TNFRSF19: variants seen among roughly 807,000 people sequenced by gnomAD.
TNFRSF19 encodes the protein tumor necrosis factor receptor superfamily member 19.
Under a neutral mutation model 46.4 loss-of-function variants are expected in TNFRSF19, and 27 were observed. The ratio of observed to expected loss-of-function variants is 0.58; its 90% CI spans 0.43 to 0.80. The LOEUF (loss-of-function observed/expected upper bound fraction) is 0.80, where lower values mean the gene tolerates loss of function less well. Among genes scored for constraint, TNFRSF19 ranks in the 30% least tolerant of loss-of-function variants. TNFRSF19 has a pLI of 0.00. For missense variants in TNFRSF19, 511 were observed against 530.8 expected (o/e 0.96, Z 0.37); for synonymous variants, 204 against 205.0 (o/e 1.00, Z 0.04).
intron 1 of TNFRSF19, among the ~76,000 whole-genome samples, chr13:23,578,062 CCA>C (rs1878085774): frequency 6.6e-6 from 1 of 152,134 alleles, no homozygotes; most frequent in African/African-American, 2.4e-5. Context: ...TGCTGAGTAT[CCA>C]TCGTGTGCTA....
At chr13:23,638,052 A>C (rs1297386937) in intron 5 of TNFRSF19, among the ~76,000 whole-genome samples, 1 of 137,692 alleles carries the variant, frequency 7.3e-6, no homozygotes, top group Non-Finnish European at 1.7e-5. Context: ...CTCCCTCAGC[A>C]CAGATGTTCA....
intron 5 of TNFRSF19, among the ~76,000 whole-genome samples, chr13:23,656,566 A>T (rs1273017962): frequency 2.0e-5 from 3 of 152,254 alleles, no homozygotes; most frequent in Non-Finnish European, 4.4e-5. Context: ...CTTAATGGTT[A>T]CAACAGTTGA....
At chr13:23,621,481 C>T (rs1489837990) in intron 4 of TNFRSF19, among the ~76,000 whole-genome samples, 1 of 152,172 alleles carries the variant, frequency 6.6e-6, no homozygotes, top group East Asian at 1.9e-4. Flanking sequence ...TTGACTGTGA[C>T]TCACAGGGCA....
chr13:23,640,691 A>C (rs1167037873), intron 5 of TNFRSF19, among the ~76,000 whole-genome samples: 1 of 152,236 alleles, frequency 6.6e-6, no homozygotes, highest in African/African-American at 2.4e-5. Context: ...CTTTGAATGA[A>C]TTAAATCAAA....
chr13:23,572,222 C>A (rs1395529649), intron 1 of TNFRSF19, among the ~76,000 whole-genome samples: 1 of 152,070 alleles, frequency 6.6e-6, no homozygotes, highest in African/African-American at 2.4e-5. Context: ...ATAACTTAAT[C>A]TTAAAGATTT....
chr13:23,600,744 G>C (rs1042913178), intron 3 of TNFRSF19, among the ~76,000 whole-genome samples: 5 of 152,134 alleles, frequency 3.3e-5, no homozygotes, highest in African/African-American at 1.2e-4. Flanking sequence ...TTAAGGGAGA[G>C]GCACTGGGGA....
intron 5 of TNFRSF19, among the ~76,000 whole-genome samples, chr13:23,645,215 A>G (rs970984223): frequency 3.9e-5 from 6 of 152,054 alleles, no homozygotes; most frequent in African/African-American, 1.4e-4. Flanking sequence ...GCCTACCTTT[A>G]TTTTTTTGAG....
intron 5 of TNFRSF19, among the ~76,000 whole-genome samples, chr13:23,645,465 G>C (rs4770471): frequency 6.6e-6 from 1 of 152,028 alleles, no homozygotes; most frequent in Admixed American, 6.6e-5. Flanking sequence ...GCCTCCCAAA[G>C]TGCTGGGATT....
At chr13:23,641,497 T>C (rs987390887) in intron 5 of TNFRSF19, among the ~76,000 whole-genome samples, 9 of 152,072 alleles carry the variant, frequency 5.9e-5, no homozygotes, top group East Asian at 1.9e-4. Context: ...ATCTGGCTAA[T>C]TTTTTGTATT....
At chr13:23,607,463 T>C (rs191335501) in intron 3 of TNFRSF19, among the ~76,000 whole-genome samples, 62 of 152,270 alleles carry the variant, frequency 4.1e-4, no homozygotes, top group African/African-American at 1.5e-3. Context: ...TTTGGAGGGA[T>C]ACCTTTTAAT....
At chr13:23,613,086 A>G (rs1382576705) in intron 3 of TNFRSF19, among the ~76,000 whole-genome samples, 1 of 152,224 alleles carries the variant, frequency 6.6e-6, no homozygotes, top group Non-Finnish European at 1.5e-5. Flanking sequence ...GTCAATAAAA[A>G]TGTCTTAGAT....
intron 5 of TNFRSF19, among the ~76,000 whole-genome samples, chr13:23,646,239 C>G (rs1883323561): frequency 1.3e-5 from 2 of 152,150 alleles, no homozygotes; most frequent in African/African-American, 2.4e-5. Context: ...TGAAGCCCCC[C>G]CAATCACTTC....
At chr13:23,630,324 A>G (rs1343779108) in intron 5 of TNFRSF19, among the ~76,000 whole-genome samples, 5 of 147,030 alleles carry the variant, frequency 3.4e-5, no homozygotes, top group South Asian at 2.2e-4. Flanking sequence ...AAAAAAAAAA[A>G]GGGTAAAAAA....
chr13:23,597,518 A>G (rs192674722), intron 3 of TNFRSF19, among the ~76,000 whole-genome samples: 1 of 152,318 alleles, frequency 6.6e-6, no homozygotes, highest in East Asian at 1.9e-4. Context: ...AAATTCCTGG[A>G]CACATACACC....
rs543938872 is a variant in TNFRSF19, at chr13:23,651,342, TATTGCTA to T, written c.446-7696_446-7690del. 4.6e-4 allele frequency among the ~76,000 whole-genome samples: 70 copies of T among 152,340 alleles called. No homozygotes were observed. In the South Asian group the frequency reaches 7.3e-3, roughly 16 times the overall value. On this transcript the variant is annotated intron_variant, in intron 5 of 9. Transcript: ENST00000248484. ...ATTTTTGTGCTTATATTCCAGTACTTATTGCTAATTGCTAATTGAATTGCATGTGTCA... is the reference window on the plus strand; with the variant it reads ...ATTTTTGTGCTTATATTCCAGTACTTATTGCTAATTGAATTGCATGTGTCA...
chr13:23,643,770 C>G (rs937230733), intron 5 of TNFRSF19, among the ~76,000 whole-genome samples: 1 of 152,190 alleles, frequency 6.6e-6, no homozygotes, highest in Non-Finnish European at 1.5e-5. Flanking sequence ...CTGTGTTGTT[C>G]TAAATAACTA....
At chr13:23,573,683 A>G (rs1877769874) in intron 1 of TNFRSF19, among the ~76,000 whole-genome samples, 1 of 152,174 alleles carries the variant, frequency 6.6e-6, no homozygotes, top group African/African-American at 2.4e-5. Context: ...TTCAAACATG[A>G]TATGATATGT....
At chr13:23,596,075 C>T (rs1046342221) in intron 3 of TNFRSF19, among the ~76,000 whole-genome samples, 2 of 152,174 alleles carry the variant, frequency 1.3e-5, no homozygotes, top group Non-Finnish European at 1.5e-5. Flanking sequence ...GATTTTGTCA[C>T]CACCAGGCCT....
intron 5 of TNFRSF19, among the ~76,000 whole-genome samples, chr13:23,630,573 A>T (rs1347015610): frequency 6.6e-6 from 1 of 152,156 alleles, no homozygotes; most frequent in East Asian, 1.9e-4. Flanking sequence ...CTCAGGGTTG[A>T]TGAGTGACAC....
Sources: allele counts gnomAD v4.1 joint callset (sites outside exome capture counted in the v4.1 genomes callset), GRCh38; gene constraint gnomAD v4.1.1; transcripts MANE v1.5; gene names NCBI Gene and HGNC (gene_info 2026-07-23, HGNC 2026-07-21).